The following FOXP1 variants were observed in gnomAD, a reference collection of about 807,000 sequenced individuals.
FOXP1 encodes forkhead box P1, also known as forkhead box protein P1.
Under a neutral mutation model 98.2 loss-of-function variants are expected in FOXP1, and 15 were observed. The observed-to-expected ratio is 0.15, with a 90% CI of 0.10 to 0.24. The LOEUF (loss-of-function observed/expected upper bound fraction) is 0.24. Ranked by LOEUF, FOXP1 falls within the 10% of genes least tolerant of loss-of-function variation. The probability of loss-of-function intolerance (pLI) is 1.00; values close to 1 mark genes in which losing one functional copy is unlikely to be tolerated. For synonymous variants in FOXP1, 371 were observed against 314.5 expected (o/e 1.18, Z -1.90); for missense variants, 633 against 848.5 (o/e 0.75, Z 3.15).
intron 5 of FOXP1, among the ~76,000 whole-genome samples, chr3:71,226,810 C>T (rs1336693754): frequency 6.6e-6 from 1 of 152,088 alleles, no homozygotes; most frequent in Non-Finnish European, 1.5e-5. Flanking sequence ...CTACCTTGCT[C>T]GTTCTCAGGC....
At chr3:71,323,548 G>A (rs1051760911) in intron 4 of FOXP1, among the ~76,000 whole-genome samples, 11 of 152,220 alleles carry the variant, frequency 7.2e-5, no homozygotes, top group Non-Finnish European at 1.5e-4. Flanking sequence ...CCAAGCACAC[G>A]GGAAAGTGAG....
chr3:71,418,139 G>C (rs955115009), intron 3 of FOXP1, among the ~76,000 whole-genome samples: 5 of 151,966 alleles, frequency 3.3e-5, no homozygotes, highest in Non-Finnish European at 5.9e-5. Flanking sequence ...GTGTGTGTGT[G>C]TGTGTGTGTT....
chr3:71,399,200 G>A (rs1038640994), intron 3 of FOXP1, among the ~76,000 whole-genome samples: 1 of 152,092 alleles, frequency 6.6e-6, no homozygotes, highest in Non-Finnish European at 1.5e-5. Context: ...GTGTATATGT[G>A]TAGATATACA....
intron 5 of FOXP1, among the ~76,000 whole-genome samples, chr3:71,221,295 C>T (rs771462895): frequency 1.3e-5 from 2 of 152,212 alleles, no homozygotes; most frequent in Non-Finnish European, 2.9e-5. Context: ...TTCCACGAAA[C>T]TGGTCCTTGG....
chr3:71,509,064 C>A (rs1488562597), intron 2 of FOXP1, among the ~76,000 whole-genome samples: 1 of 152,224 alleles, frequency 6.6e-6, no homozygotes, highest in Non-Finnish European at 1.5e-5. Context: ...GTATGGATTT[C>A]GCCAGTCATT....
chr3:71,215,446 G>C (rs1303951097), intron 5 of FOXP1, among the ~76,000 whole-genome samples: 1 of 152,174 alleles, frequency 6.6e-6, no homozygotes, highest in Non-Finnish European at 1.5e-5. Flanking sequence ...ATTGTGATAA[G>C]TGCTACCATG....
Position 71,402,411 on chromosome 3 carries a change from C to T in FOXP1, c.-167-43167G>A, listed in dbSNP as rs79993509. Reference sequence around the variant, plus strand: ...TTGAGACTGCAGTAAACCATGTTTGCGCCACTGCACTCCAGCCTGGGCGAA... The same window carrying T: ...TTGAGACTGCAGTAAACCATGTTTGTGCCACTGCACTCCAGCCTGGGCGAA... On this transcript the variant is annotated intron_variant, in intron 3 of 20. Transcript: ENST00000649528. 2.7e-4 allele frequency among the ~76,000 whole-genome samples: 41 copies of T among 152,222 alleles called. No homozygotes were observed. The East Asian group carries it at 7.0e-3, about 26-fold the overall frequency.
intron 3 of FOXP1, among the ~76,000 whole-genome samples, chr3:71,429,214 A>T (rs2084451896): frequency 2.0e-5 from 3 of 152,056 alleles, no homozygotes; most frequent in Admixed American, 6.5e-5. Context: ...GACCAAGGTG[A>T]CATCATTCCC....
rs564531220 is a variant in FOXP1 at position 71,277,204 on chromosome 3, C to T, written c.-12+22616G>A. 2.6e-5 allele frequency among the ~76,000 whole-genome samples: 4 copies of T among 151,540 alleles called. No individual in the cohort carries two copies. The East Asian group carries it at 5.8e-4, about 22-fold the overall frequency. ...CGATCTCCTGACCTCGTGATCTGCC[C>T]GACTCAGCCTTCCAAAGTGCTGGGA... On this transcript the variant is annotated intron_variant, in intron 5 of 20. Coordinates refer to ENST00000649528, the MANE Select transcript of FOXP1 (RefSeq NM_001349338.3).
chr3:71,537,505 T>C (rs2044401577), intron 2 of FOXP1, among the ~76,000 whole-genome samples: 1 of 152,190 alleles, frequency 6.6e-6, no homozygotes. Flanking sequence ...CGGAGAAGCA[T>C]GCAGTGACCT....
At chr3:71,007,191 T>C (rs1021384489) in intron 12 of FOXP1, among the ~76,000 whole-genome samples, 1 of 152,162 alleles carries the variant, frequency 6.6e-6, no homozygotes, top group African/African-American at 2.4e-5. Context: ...AAAAGTCAAA[T>C]TCATAAAAAT....
chr3:71,063,973 C>T (rs981494933), intron 7 of FOXP1, among the ~76,000 whole-genome samples: 4 of 152,124 alleles, frequency 2.6e-5, no homozygotes, highest in East Asian at 1.9e-4. Flanking sequence ...TTCCACTGAC[C>T]GTCCTTCATG....
chr3:71,574,502 G>A (rs948164226), intron 2 of FOXP1: 4 of 151,884 alleles, frequency 2.6e-5, no homozygotes, highest in African/African-American at 9.7e-5. Flanking sequence ...TTCTTCTTAG[G>A]ATTCTGGTTT....
intron 6 of FOXP1, among the ~76,000 whole-genome samples, chr3:71,119,095 A>G (rs1162547340): frequency 1.3e-5 from 2 of 152,364 alleles, no homozygotes; most frequent in East Asian, 3.9e-4. Flanking sequence ...CCAAGGAGCA[A>G]GAACATTATT....
intron 7 of FOXP1, among the ~76,000 whole-genome samples, chr3:71,111,107 G>T (rs1471404814): frequency 6.6e-6 from 1 of 152,164 alleles, no homozygotes; most frequent in African/African-American, 2.4e-5. Flanking sequence ...GATAATCTGG[G>T]AACAGGCTGT....
intron 3 of FOXP1, among the ~76,000 whole-genome samples, chr3:71,372,318 G>A (rs929937593): frequency 1.3e-5 from 2 of 151,996 alleles, no homozygotes; most frequent in African/African-American, 4.8e-5. Flanking sequence ...CACTGTGCCT[G>A]GCCGAGGATC....
intron 7 of FOXP1, chr3:71,064,788 G>C: frequency 1.0e-6 from 1 of 984,856 alleles, no homozygotes; most frequent in Non-Finnish European, 1.2e-6. Flanking sequence ...GGGGGAAGGA[G>C]AGCGAAACCG....
At chr3:71,406,269 C>T (rs1216670564) in intron 3 of FOXP1, among the ~76,000 whole-genome samples, 1 of 151,958 alleles carries the variant, frequency 6.6e-6, no homozygotes, top group Non-Finnish European at 1.5e-5. Flanking sequence ...GACTGTGTTC[C>T]TTCCAGTGGA....
intron 7 of FOXP1, among the ~76,000 whole-genome samples, chr3:71,071,044 C>T (rs114191073): frequency 2.2e-4 from 33 of 152,252 alleles, no homozygotes; most frequent in Non-Finnish European, 3.5e-4. Flanking sequence ...AAACATTTTC[C>T]GGGGCTCTGC....
Sources: gnomAD v4.1 joint callset for allele counts (sites outside exome capture counted in the v4.1 genomes callset) on GRCh38, gnomAD v4.1.1 for gene constraint, MANE v1.5 for transcripts, NCBI Gene and HGNC (gene_info 2026-07-23, HGNC 2026-07-21) for gene names.